KLF16: variants seen among roughly 807,000 people sequenced by gnomAD.
KLF16 encodes Krueppel-like factor 16.
A neutral mutation model predicts 6.1 loss-of-function variants in KLF16; 6 were observed. That is an observed-to-expected ratio of 0.98 (90% CI 0.54 to 1.93). The LOEUF is 1.93. Ranked by LOEUF, KLF16 falls within the 30% of genes most tolerant of loss-of-function variation. KLF16 has a pLI of 0.01. For synonymous variants in KLF16, 211 were observed against 176.5 expected (o/e 1.20, Z -1.55); for missense variants, 355 against 363.8 (o/e 0.98, Z 0.20).
chr19:1,854,146 G>T lies in KLF16; in HGVS notation c.*313C>A. On this transcript the variant is annotated 3_prime_UTR_variant, in exon 2 of 2. Transcript: ENST00000250916. The stretch of plus-strand genomic sequence containing the variant: ...CCCCAAACCCCACCCCGGGAGGGGG[G>T]CAGCAGGGGGTGGTGGAGAGGAGAG... The T allele has an allele frequency of 3.2e-6, 1 of 316,560 alleles. No homozygotes were observed. Among genetic ancestry groups the T allele is most frequent in the East Asian group, 5.4e-5 (1 of 18,454 alleles). 19.6% of individuals were successfully genotyped at this position (316,560 alleles called of 1,614,324 possible). A position where few individuals can be genotyped will look rare whatever the true frequency, so the allele number is the denominator to read the frequency against.
rs747817227 is a variant in KLF16, at chr19:1,863,183, T to TGAG, written c.312_314dup (p.Ser105dup). The TGAG allele has an allele frequency of 5.0e-6, 6 of 1,197,018 alleles. No individual in the cohort carries two copies. The highest frequency in any genetic ancestry group is 6.1e-5 in the South Asian group (2 of 32,846). 74.1% of individuals were successfully genotyped at this position (1,197,018 alleles called of 1,614,324 possible). The stretch of plus-strand genomic sequence containing the variant: ...GGCCCGAGGACGGGGACGAGGCGGC[T>TGAG]GAGGAGGAGGAGGCGGGCGAGGCGC... On this transcript the variant is annotated inframe_insertion, in exon 1 of 2. Transcript: ENST00000250916.
intron 1 of KLF16, 45 bp from the exon 2 acceptor site, chr19:1,854,805 G>A (rs768824568): frequency 6.3e-7 from 1 of 1,585,466 alleles, no homozygotes; most frequent in South Asian, 1.1e-5. Flanking sequence ...CGGGGGCGGG[G>A]GGAGATGACA....
In KLF16 at chr19:1,854,591, G is replaced by A; in HGVS notation, c.627C>T (p.His209=). The change falls in exon 2 of 2, where the codon CAC becomes CAT. Residue 209 remains histidine, a synonymous_variant. Coordinates refer to ENST00000250916, the MANE Select transcript of KLF16 (RefSeq NM_031918.4). The part of the protein sequence containing the change: ...SDHLAKHARR[H]PGFHPDLLRR... ...GGAGCAGGTCCGGGTGGAAGCCGGG[G>A]TGGCGGCGGGCGTGCTTGGCCAGGT... 1.3e-6 allele frequency: 2 copies of A among 1,592,318 alleles called. No individual in the cohort carries two copies. Among genetic ancestry groups the A allele is most frequent in the Non-Finnish European group, 1.7e-6 (2 of 1,176,554 alleles).
In KLF16 at chr19:1,857,057, G is replaced by A. The variant is rs889860280; in HGVS notation, c.458-2297C>T. Among the ~76,000 whole-genome samples the A allele has an allele frequency of 1.3e-5, 2 of 149,450 alleles. No homozygotes were observed. The highest frequency in any genetic ancestry group is 3.0e-5 in the Non-Finnish European group (2 of 67,652). ...GACATCCGCAGCCCCAGCCGGCCCC[G>A]CTCACGTGGTCCCACTCCCGCCGGG... On this transcript the variant is annotated intron_variant, in intron 1 of 1. Coordinates refer to ENST00000250916, the MANE Select transcript of KLF16 (RefSeq NM_031918.4). This position sits in a 1 kb window ranked among gnomAD's most constrained non-coding sequence, Gnocchi z 4.7.
chr19:1,855,657 G>A (rs1023475075), intron 1 of KLF16, among the ~76,000 whole-genome samples: 6 of 152,334 alleles, frequency 3.9e-5, no homozygotes, highest in African/African-American at 1.2e-4. Flanking sequence ...TGTGCCACCC[G>A]ACCCCTTCCT....
Position 1,856,957 on chromosome 19 carries a change from G to C in KLF16, c.458-2197C>G, listed in dbSNP as rs868808092. ...CAAGGAGGAGCAGGTTGCCGGGGTG[G>C]GGGGGGCGACCGGGGCAGGGGCGCG... On this transcript the variant is annotated intron_variant, in intron 1 of 1. Transcript: ENST00000250916. Among the ~76,000 whole-genome samples, 46 of 137,010 alleles carry C rather than the reference G, an allele frequency of 3.4e-4. 8 individuals carry two copies. The highest frequency in any genetic ancestry group is 9.4e-4 in the South Asian group (4 of 4,254). 89.9% of individuals were successfully genotyped at this position (137,010 alleles called of 152,430 possible).
At chr19:1,861,041 G>A (rs1368994215) in intron 1 of KLF16, among the ~76,000 whole-genome samples, 1 of 151,086 alleles carries the variant, frequency 6.6e-6, no homozygotes, top group Non-Finnish European at 1.5e-5. Context: ...CAGCACAACT[G>A]CATCCACCCC....
At chr19:1,864,114 C>G (rs2012139888), upstream of KLF16, among the ~76,000 whole-genome samples, 1 of 148,292 alleles carries the variant, frequency 6.7e-6, no homozygotes, top group Non-Finnish European at 1.5e-5. Flanking sequence ...GCGCGCCCAC[C>G]CCACGCCGGG....
At chr19:1,863,754 C>T (rs2012127776), upstream of KLF16, among the ~76,000 whole-genome samples, 1 of 143,232 alleles carries the variant, frequency 7.0e-6, no homozygotes, top group Non-Finnish European at 1.6e-5. Context: ...GCCCCCCGCC[C>T]GGCGCGCCCT....
chr19:1,861,552 C>G (rs926814054), intron 1 of KLF16: 2 of 152,262 alleles, frequency 1.3e-5, no homozygotes. Context: ...ACCCCTCCGC[C>G]GAGGATGTGT....
rs540800940 is a variant in KLF16, at chr19:1,854,259, C to G, written c.*200G>C. ...ATGGCTATTTACAGACACAAGCCCC[C>G]GTCACCCATCCTGAGAGCCACCTCT... On this transcript the variant is annotated 3_prime_UTR_variant, in exon 2 of 2. Transcript: ENST00000250916. 6.4e-5 allele frequency: 36 copies of G among 559,600 alleles called. No homozygotes were observed. In the South Asian group the frequency reaches 1.1e-3, roughly 17 times the overall value. 34.7% of individuals were successfully genotyped at this position (559,600 alleles called of 1,614,324 possible).
In KLF16 at chr19:1,856,951, G is replaced by GGGGGGC. The variant is rs1453766642; in HGVS notation, c.458-2192_458-2191insGCCCCC. Among the ~76,000 whole-genome samples, 180 of 106,672 alleles carry GGGGGGC rather than the reference G, an allele frequency of 1.7e-3. 17 individuals carry two copies. The highest frequency in any genetic ancestry group is 2.9e-3 in the Non-Finnish European group (141 of 48,464). 70.0% of individuals were successfully genotyped at this position (106,672 alleles called of 152,430 possible). ...ACTTTGCAAGGAGGAGCAGGTTGCCGGGGTGGGGGGGGCGACCGGGGCAGG... is the reference window on the plus strand; with the variant it reads ...ACTTTGCAAGGAGGAGCAGGTTGCCGGGGGGCGGGTGGGGGGGGCGACCGGGGCAGG... On this transcript the variant is annotated intron_variant, in intron 1 of 1. Transcript: ENST00000250916.
chr19:1,862,989 A>AG, intron 1 of KLF16, 52 bp downstream of exon 1: 2 of 1,095,596 alleles, frequency 1.8e-6, no homozygotes, highest in Non-Finnish European at 2.3e-6. Flanking sequence ...CTGGCGGGGG[A>AG]GGGGTCTCAG....
chr19:1,853,115 G>C lies in KLF16; in HGVS notation c.*1344C>G, dbSNP rs1198148447. ...CCCCCCCAAGAGGAAATGCAACCCA[G>C]GCCACAGCAGGACGACCGCTGACAA... On this transcript the variant is annotated 3_prime_UTR_variant, in exon 2 of 2. Transcript: ENST00000250916. 6.6e-6 allele frequency: 1 copy of C among 151,298 alleles called. No homozygotes were observed. Among genetic ancestry groups the C allele is most frequent in the Non-Finnish European group, 1.5e-5 (1 of 67,960 alleles). 9.4% of individuals were successfully genotyped at this position (151,298 alleles called of 1,614,324 possible). A position where few individuals can be genotyped will look rare whatever the true frequency, so the allele number is the denominator to read the frequency against.
chr19:1,866,367 T>C (rs893241083), upstream of KLF16, among the ~76,000 whole-genome samples: 1 of 151,850 alleles, frequency 6.6e-6, no homozygotes, highest in Non-Finnish European at 1.5e-5. Context: ...TCCCAGCACT[T>C]TGGGAGGCCG....
chr19:1,854,676 T>A lies in KLF16; in HGVS notation c.542A>T (p.His181Leu). Reference protein sequence around the residue: ...SDELARHHRTHTGEKRFSCPL... With the variant: ...SDELARHHRTLTGEKRFSCPL... Reference sequence around the variant, plus strand: ...GCAGGAGAAGCGCTTCTCGCCCGTGTGCGTCCGGTGGTGGCGGGCCAGCTC... The same window carrying A: ...GCAGGAGAAGCGCTTCTCGCCCGTGAGCGTCCGGTGGTGGCGGGCCAGCTC... Residue 181 changes from histidine (H) to leucine (L), a missense_variant, in exon 2 of 2, where the codon CAC becomes CTC. Coordinates refer to ENST00000250916, the MANE Select transcript of KLF16 (RefSeq NM_031918.4). The A allele has an allele frequency of 6.2e-7, 1 of 1,600,460 alleles. No homozygotes were observed. Among genetic ancestry groups the A allele is most frequent in the Non-Finnish European group, 8.5e-7 (1 of 1,179,596 alleles).
At chr19:1,866,263 G>GA (rs1475292512), upstream of KLF16, among the ~76,000 whole-genome samples, 6 of 150,604 alleles carry the variant, frequency 4.0e-5, no homozygotes, top group Middle Eastern at 3.5e-3. Flanking sequence ...AGTTGAGATC[G>GA]AACATTGTAC....
chr19:1,863,599 G>GAGA (rs1305852097), upstream of KLF16: 4 of 414,238 alleles, frequency 9.7e-6, no homozygotes. Context: ...GGAGGAGGAG[G>GAGA]AGGAGGAGGC....
At chr19:1,866,497 C>T (rs1311930662), upstream of KLF16, among the ~76,000 whole-genome samples, 1 of 152,062 alleles carries the variant, frequency 6.6e-6, no homozygotes, top group East Asian at 1.9e-4. Flanking sequence ...GCCTGTAATC[C>T]CAGCTACTCA....
Sources: gnomAD v4.1 joint callset for allele counts (sites outside exome capture counted in the v4.1 genomes callset) on GRCh38, gnomAD v4.1.1 for gene constraint, Gnocchi (gnomAD v3.1) non-coding constraint, MANE v1.5 for transcripts, NCBI Gene and HGNC (gene_info 2026-07-23, HGNC 2026-07-21) for gene names.